Variants in GHR observed in about 807,000 individuals in gnomAD.
GHR encodes the protein growth hormone receptor.
A neutral mutation model predicts 67.1 loss-of-function variants in GHR; 35 were observed. The ratio of observed to expected loss-of-function variants is 0.52; its 90% CI spans 0.40 to 0.69. The LOEUF is 0.69. Ranked by LOEUF, GHR falls within the 30% of genes least tolerant of loss-of-function variation. The pLI, the probability that GHR is intolerant of heterozygous loss-of-function variation, is 0.00. For missense variants in GHR, 792 were observed against 764.6 expected (o/e 1.04, Z -0.42); for synonymous variants, 272 against 269.1 (o/e 1.01, Z -0.10).
At position 42,714,314 on chromosome 5, in the gene GHR, T is replaced by C. The variant is rs1234746443; in HGVS notation, c.875+795T>C. Reference sequence around the variant, plus strand: ...CTAGAACTCTCCTGGTTTTTAGCAATGCAAGTCCGGTGTGCCAGGAAATCC... The same window carrying C: ...CTAGAACTCTCCTGGTTTTTAGCAACGCAAGTCCGGTGTGCCAGGAAATCC... On this transcript the variant is annotated intron_variant, in intron 8 of 9. Coordinates refer to ENST00000230882, the MANE Select transcript of GHR (RefSeq NM_000163.5). 2.6e-5 allele frequency: 4 copies of C among 152,200 alleles called. 1 individual carries two copies. Among genetic ancestry groups the C allele is most frequent in the Admixed American group, 6.5e-5 (1 of 15,268 alleles). 9.4% of individuals were successfully genotyped at this position (152,200 alleles called of 1,614,324 possible).
At chr5:42,587,080 A>C (rs907850398) in intron 2 of GHR, among the ~76,000 whole-genome samples, 1 of 146,436 alleles carries the variant, frequency 6.8e-6, no homozygotes, top group Non-Finnish European at 1.5e-5. Flanking sequence ...ATTTTTTCTT[A>C]TCAAGACATT....
chr5:42,606,357 G>T (rs1421184492), intron 2 of GHR, among the ~76,000 whole-genome samples: 1 of 152,130 alleles, frequency 6.6e-6, no homozygotes, highest in Admixed American at 6.5e-5. Context: ...AGGAAGAGAG[G>T]TTTATTTGGT....
chr5:42,635,431 T>A (rs1754131581), intron 3 of GHR, among the ~76,000 whole-genome samples: 1 of 152,204 alleles, frequency 6.6e-6, no homozygotes, highest in Non-Finnish European at 1.5e-5. Flanking sequence ...GTTGTATCTG[T>A]CCCTAGGTAA....
chr5:42,621,292 G>A (rs1753431943), intron 2 of GHR, among the ~76,000 whole-genome samples: 1 of 152,114 alleles, frequency 6.6e-6, no homozygotes, highest in Admixed American at 6.6e-5. Flanking sequence ...AGTATTCTTT[G>A]TGAAAACACC....
intron 1 of GHR, among the ~76,000 whole-genome samples, chr5:42,497,631 A>T (rs1270370121): frequency 6.6e-6 from 1 of 152,190 alleles, no homozygotes; most frequent in Non-Finnish European, 1.5e-5. Context: ...AGTAGTTGAA[A>T]CACAGACCTT....
rs1246592776 is a variant in GHR at position 42,424,750 on chromosome 5, AG to A, written c.-12+798del. ...TAGGGAGAGGGCGCTGGCGGCGCAG[AG>A]GGTGCGGGGCAGGGCACTTGCGAGT... On this transcript the variant is annotated intron_variant, in intron 1 of 9. Coordinates refer to ENST00000230882, the MANE Select transcript of GHR (RefSeq NM_000163.5). This position sits in a 1 kb window ranked among gnomAD's most constrained non-coding sequence, Gnocchi z 4.1. Among the ~76,000 whole-genome samples, 4 of 152,322 alleles carry A rather than the reference AG, an allele frequency of 2.6e-5. 1 individual carries two copies. Among genetic ancestry groups the A allele is most frequent in the African/African-American group, 9.6e-5 (4 of 41,580 alleles).
At chr5:42,623,355 A>G (rs1753551225) in intron 2 of GHR, among the ~76,000 whole-genome samples, 1 of 152,098 alleles carries the variant, frequency 6.6e-6, no homozygotes, top group South Asian at 2.1e-4. Context: ...AGCATAGCAA[A>G]TTAATGGTTC....
At chr5:42,686,607 G>A (rs751211674) in intron 3 of GHR, among the ~76,000 whole-genome samples, 34 of 152,126 alleles carry the variant, frequency 2.2e-4, no homozygotes, top group Non-Finnish European at 4.4e-4. Context: ...TGCAGAAAAA[G>A]CCTTCGACAA....
chr5:42,528,927 T>G (rs1747828231), intron 1 of GHR, among the ~76,000 whole-genome samples: 1 of 152,208 alleles, frequency 6.6e-6, no homozygotes, highest in Non-Finnish European at 1.5e-5. Context: ...CAATAAAGTA[T>G]TTTTAAATTA....
rs1430185887 is a variant in GHR, at chr5:42,423,949, C to T, written c.-18C>T. 1.3e-5 allele frequency: 2 copies of T among 153,884 alleles called. No homozygotes were observed. Among genetic ancestry groups the T allele is most frequent in the Admixed American group, 6.5e-5 (1 of 15,276 alleles). The allele number at this position is 153,884 out of a possible 1,614,324, so 9.5% of individuals were successfully genotyped here. ...CCGCGCTCTCTGATCAGAGGCGAAG[C>T]TCGGAGGTACTGGAGTGGGGCTCCG... On this transcript the variant is annotated 5_prime_UTR_variant, in exon 1 of 10. Transcript: ENST00000230882.
chr5:42,566,015 GT>G (rs1561127295), intron 2 of GHR, 71 bp downstream of exon 2: 3 of 1,539,912 alleles, frequency 1.9e-6, no homozygotes, highest in East Asian at 4.5e-5. Context: ...CTACATCCAA[GT>G]TTTTTGGATG....
chr5:42,516,308 C>G (rs1747234162), intron 1 of GHR, among the ~76,000 whole-genome samples: 2 of 152,288 alleles, frequency 1.3e-5, no homozygotes, highest in Admixed American at 1.3e-4. Flanking sequence ...GGTGTCATTG[C>G]TACTTGCCTA....
Position 42,720,570 on chromosome 5 carries a change from A to G in GHR, c.*1146A>G, listed in dbSNP as rs1313703145. ...CATTTTGTAAGTTGAAGCAAATCGA[A>G]TGAAATTAACTGGGTAATGAAACAA... is the stretch of plus-strand genomic sequence containing the variant. On this transcript the variant is annotated 3_prime_UTR_variant, in exon 10 of 10. Transcript: ENST00000230882. 1 of 152,242 alleles carries G rather than the reference A, an allele frequency of 6.6e-6. No individual in the cohort carries two copies. Among genetic ancestry groups the G allele is most frequent in the Non-Finnish European group, 1.5e-5 (1 of 68,040 alleles). 9.4% of individuals were successfully genotyped at this position (152,242 alleles called of 1,614,324 possible).
chr5:42,670,794 C>A (rs1422952029), intron 3 of GHR, among the ~76,000 whole-genome samples: 1 of 149,602 alleles, frequency 6.7e-6, no homozygotes, highest in Non-Finnish European at 1.5e-5. Context: ...ATGTAACTAA[C>A]CTGCACAAGG....
Position 42,551,900 on chromosome 5 carries a change from T to G in GHR, c.-11-13964T>G, listed in dbSNP as rs79668958. Among the ~76,000 whole-genome samples the G allele has an allele frequency of 0.011, 1,673 of 152,290 alleles. 78 individuals carry two copies. In the East Asian group the frequency reaches 0.14, roughly 13 times the overall value. Reference sequence around the variant, plus strand: ...AACATGATCACAAGTGGTTGAAAAGTTAAAATGTTATTCATATAGCTTTCC... The same window carrying G: ...AACATGATCACAAGTGGTTGAAAAGGTAAAATGTTATTCATATAGCTTTCC... On this transcript the variant is annotated intron_variant, in intron 1 of 9. Transcript: ENST00000230882.
chr5:42,512,697 A>C (rs1747069753), intron 1 of GHR, among the ~76,000 whole-genome samples: 1 of 152,140 alleles, frequency 6.6e-6, no homozygotes, highest in South Asian at 2.1e-4. Context: ...ACTGTCTTCA[A>C]ATCCTTTAGG....
intron 1 of GHR, among the ~76,000 whole-genome samples, chr5:42,454,844 G>T (rs1022962338): frequency 1.3e-5 from 2 of 152,146 alleles, no homozygotes; most frequent in African/African-American, 2.4e-5. Flanking sequence ...TGCCCACAAG[G>T]TTCCTGTGCT....
intron 1 of GHR, among the ~76,000 whole-genome samples, chr5:42,461,849 G>A (rs1184712747): frequency 6.6e-6 from 1 of 152,224 alleles, no homozygotes; most frequent in Admixed American, 6.5e-5. Flanking sequence ...AGGGAAGCCA[G>A]CTTCTAGCAG....
chr5:42,718,878 A>C lies in GHR; in HGVS notation c.1371A>C (p.Gln457His), dbSNP rs1758868321. ...SVIQAEKNKP[Q>H]PLPTEGAEST... ...TCCAAGCAGAGAAAAACAAACCACA[A>C]CCACTTCCTACTGAAGGAGCTGAGT... Residue 457 changes from glutamine (Q) to histidine (H), a missense_variant, in exon 10 of 10, where the codon CAA becomes CAC. Coordinates refer to ENST00000230882, the MANE Select transcript of GHR (RefSeq NM_000163.5). The C allele has an allele frequency of 6.2e-7, 1 of 1,613,962 alleles. No homozygotes were observed.
Sources: allele counts gnomAD v4.1 joint callset (sites outside exome capture counted in the v4.1 genomes callset), GRCh38; gene constraint gnomAD v4.1.1; non-coding constraint Gnocchi (gnomAD v3.1); transcripts MANE v1.5; gene names NCBI Gene and HGNC (gene_info 2026-07-23, HGNC 2026-07-21).